The following TMEFF2 variants were observed in gnomAD, a reference collection of about 807,000 sequenced individuals.
TMEFF2 encodes the protein tomoregulin-2.
Under a neutral mutation model 53.8 loss-of-function variants are expected in TMEFF2, and 28 were observed. The observed-to-expected ratio is 0.52, with a 90% CI of 0.39 to 0.71. The LOEUF is 0.71. TMEFF2 is among the 30% of genes least tolerant of loss of function. The probability of loss-of-function intolerance (pLI) is 0.00; values close to 1 mark genes in which losing one functional copy is unlikely to be tolerated. For missense variants in TMEFF2, 353 were observed against 455.2 expected (o/e 0.78, Z 2.04); for synonymous variants, 162 against 166.3 (o/e 0.97, Z 0.20).
At chr2:192,010,583 A>G (rs1397030076) in intron 5 of TMEFF2, among the ~76,000 whole-genome samples, 3 of 152,084 alleles carry the variant, frequency 2.0e-5, no homozygotes, top group African/African-American at 7.2e-5. Flanking sequence ...ATTTAATTCA[A>G]TTGAATCACA....
At chr2:192,084,750 TATG>T (rs1688630643) in intron 4 of TMEFF2, among the ~76,000 whole-genome samples, 2 of 152,208 alleles carry the variant, frequency 1.3e-5, no homozygotes, top group South Asian at 4.1e-4. Flanking sequence ...TTATGTATTT[TATG>T]ATGACAAAAA....
intron 4 of TMEFF2, among the ~76,000 whole-genome samples, chr2:192,175,708 C>T (rs1030785387): frequency 3.3e-5 from 5 of 151,350 alleles, no homozygotes; most frequent in African/African-American, 1.2e-4. Context: ...ATCTTAGATA[C>T]ATTTTATTTC....
intron 4 of TMEFF2, among the ~76,000 whole-genome samples, chr2:192,174,669 C>T (rs1373892089): frequency 6.6e-6 from 1 of 151,666 alleles, no homozygotes; most frequent in Non-Finnish European, 1.5e-5. Flanking sequence ...TGCTTTCTTC[C>T]CATATATATT....
chr2:192,070,010 A>G (rs1401695277), intron 4 of TMEFF2, among the ~76,000 whole-genome samples: 598 of 13,574 alleles, frequency 0.044, 3 homozygotes, highest in South Asian at 0.063. Context: ...ATATATATAT[A>G]TATATATATA....
intron 5 of TMEFF2, among the ~76,000 whole-genome samples, chr2:192,053,454 A>G (rs1687822024): frequency 1.6e-5 from 2 of 123,894 alleles, no homozygotes; most frequent in South Asian, 6.0e-4. Context: ...CCAGGGTTAA[A>G]GAAAGATCAG....
chr2:192,050,651 G>C (rs1205511307), intron 5 of TMEFF2, among the ~76,000 whole-genome samples: 5 of 152,098 alleles, frequency 3.3e-5, no homozygotes, highest in Non-Finnish European at 7.4e-5. Flanking sequence ...AGTTTGGATT[G>C]CAAATATGGC....
At chr2:192,010,931 C>G (rs1686611697) in intron 5 of TMEFF2, among the ~76,000 whole-genome samples, 1 of 152,184 alleles carries the variant, frequency 6.6e-6, no homozygotes, top group Non-Finnish European at 1.5e-5. Context: ...CTGAGGATTT[C>G]CCCCTAACAG....
intron 4 of TMEFF2, among the ~76,000 whole-genome samples, chr2:192,061,238 G>C (rs574096445): frequency 6.6e-6 from 1 of 152,212 alleles, no homozygotes; most frequent in African/African-American, 2.4e-5. Flanking sequence ...GGTAAGCATT[G>C]TAATTCACTC....
chr2:191,964,802 CTGT>C (rs951518887), intron 7 of TMEFF2, among the ~76,000 whole-genome samples: 10 of 152,232 alleles, frequency 6.6e-5, no homozygotes, highest in Admixed American at 5.2e-4. Context: ...ACCAACAACA[CTGT>C]TGTTAAAACT....
intron 7 of TMEFF2, among the ~76,000 whole-genome samples, chr2:191,966,809 T>G (rs1260004647): frequency 6.6e-6 from 1 of 152,182 alleles, no homozygotes; most frequent in Non-Finnish European, 1.5e-5. Context: ...AGCACAGATA[T>G]ACTTGATGAT....
At chr2:191,997,856 T>C (rs1332461548) in intron 7 of TMEFF2, among the ~76,000 whole-genome samples, 3 of 151,932 alleles carry the variant, frequency 2.0e-5, no homozygotes, top group Non-Finnish European at 2.9e-5. Flanking sequence ...AGCTGTCCTT[T>C]CTAGCTTTTT....
At chr2:192,001,611 A>G (rs1686362198) in intron 5 of TMEFF2, among the ~76,000 whole-genome samples, 1 of 152,078 alleles carries the variant, frequency 6.6e-6, no homozygotes, top group South Asian at 2.1e-4. Flanking sequence ...GTGTTGTGGG[A>G]GCGACCTGGT....
intron 5 of TMEFF2, among the ~76,000 whole-genome samples, chr2:192,014,694 A>G (rs746003995): frequency 5.9e-5 from 9 of 152,208 alleles, no homozygotes; most frequent in Non-Finnish European, 1.3e-4. Flanking sequence ...TTCCGATTAT[A>G]CTTGCATCAA....
Position 191,996,098 on chromosome 2 carries a change from A to C in TMEFF2, c.745+2164T>G. Among the ~76,000 whole-genome samples the C allele has an allele frequency of 1.3e-5, 2 of 151,992 alleles. 1 individual carries two copies. Among genetic ancestry groups the C allele is most frequent in the Non-Finnish European group, 2.9e-5 (2 of 67,902 alleles). On this transcript the variant is annotated intron_variant, in intron 7 of 9. Coordinates refer to ENST00000272771, the MANE Select transcript of TMEFF2 (RefSeq NM_016192.4). ...TGTTTAAAAAACCAAACCCATATAT[A>C]AATACTTTTTGGAATAAAAATTCAA...
intron 4 of TMEFF2, among the ~76,000 whole-genome samples, chr2:192,151,196 C>G (rs189536641): frequency 1.7e-3 from 258 of 151,934 alleles, no homozygotes; most frequent in Non-Finnish European, 2.9e-3. Context: ...GCCTCCCCAG[C>G]CATGAGGAAC....
intron 4 of TMEFF2, among the ~76,000 whole-genome samples, chr2:192,165,496 C>T (rs1461321355): frequency 2.6e-5 from 4 of 152,060 alleles, no homozygotes; most frequent in African/African-American, 9.7e-5. Context: ...CTGGGCTTAT[C>T]AATTATGGGA....
intron 5 of TMEFF2, 61 bp from the exon 6 acceptor site, chr2:191,999,269 A>G (rs866112440): frequency 6.5e-6 from 9 of 1,377,694 alleles, no homozygotes; most frequent in Middle Eastern, 1.9e-4. Context: ...CATTATAAAT[A>G]AAACACAAAT....
intron 4 of TMEFF2, among the ~76,000 whole-genome samples, chr2:192,069,423 A>G (rs1385392845): frequency 6.6e-6 from 1 of 151,818 alleles, no homozygotes; most frequent in Admixed American, 6.6e-5. Flanking sequence ...ACAAGAAGAA[A>G]AATGTATCCT....
intron 7 of TMEFF2, among the ~76,000 whole-genome samples, chr2:191,966,344 A>G (rs1692471011): frequency 6.6e-6 from 1 of 152,200 alleles, no homozygotes; most frequent in Non-Finnish European, 1.5e-5. Context: ...AAATGAACAG[A>G]TCATCGAGTT....
Sources: allele counts gnomAD v4.1 joint callset (sites outside exome capture counted in the v4.1 genomes callset), GRCh38; gene constraint gnomAD v4.1.1; transcripts MANE v1.5; gene names NCBI Gene and HGNC (gene_info 2026-07-23, HGNC 2026-07-21).